LPCAT1: variants seen among roughly 807,000 people sequenced by gnomAD.
LPCAT1 encodes the protein 1-acylglycerol-3-phosphate O-acyltransferase.
LPCAT1 carries 23 observed loss-of-function variants against 60.9 expected under a neutral mutation model. That is an observed-to-expected ratio of 0.38 (90% confidence interval 0.27 to 0.53). The LOEUF is 0.53. Among genes scored for constraint, LPCAT1 ranks in the 20% least tolerant of loss-of-function variants. The pLI, the probability that LPCAT1 is intolerant of heterozygous loss-of-function variation, is 0.82. For missense variants in LPCAT1, 622 were observed against 723.6 expected (o/e 0.86, Z 1.61); for synonymous variants, 340 against 301.1 (o/e 1.13, Z -1.34).
At chr5:1,469,634 G>A (rs1336084528) in intron 12 of LPCAT1, among the ~76,000 whole-genome samples, 2 of 152,162 alleles carry the variant, frequency 1.3e-5, no homozygotes, top group Non-Finnish European at 2.9e-5. Flanking sequence ...AAAATTAGCT[G>A]GGTTTCATGG....
chr5:1,479,847 G>A (rs960340265), intron 7 of LPCAT1, among the ~76,000 whole-genome samples, 172 bp from the exon 8 acceptor site: 5 of 151,510 alleles, frequency 3.3e-5, no homozygotes, highest in South Asian at 2.1e-4. Flanking sequence ...CCAGTGTGAC[G>A]TACAGCCGTG....
At chr5:1,503,984 T>G (rs1364712956) in intron 1 of LPCAT1, among the ~76,000 whole-genome samples, 1 of 152,256 alleles carries the variant, frequency 6.6e-6, no homozygotes, top group Non-Finnish European at 1.5e-5. Flanking sequence ...ATCAGTCTTC[T>G]TACAGAACCA....
In LPCAT1 at chr5:1,470,781, C is replaced by CA. The variant is rs756495420; in HGVS notation, c.1278+44dup. Reference sequence around the variant, plus strand: ...ATGAACAATGGTGCTGACGTGACTGCACCGCCCTGTCCCCCAGTCAAACCC... The same window carrying CA: ...ATGAACAATGGTGCTGACGTGACTGCAACCGCCCTGTCCCCCAGTCAAACCC... On this transcript the variant is annotated intron_variant, in intron 12 of 13. Coordinates refer to ENST00000283415, the MANE Select transcript of LPCAT1 (RefSeq NM_024830.5). The CA allele has an allele frequency of 5.6e-5, 82 of 1,473,318 alleles. No homozygotes were observed. In the East Asian group the frequency reaches 1.8e-3, roughly 33 times the overall value. The allele number at this position is 1,473,318 out of a possible 1,614,324, so 91.3% of individuals were successfully genotyped here. A position where few individuals can be genotyped will look rare whatever the true frequency, so the allele number is the denominator to read the frequency against.
At chr5:1,491,220 G>A (rs559305795) in intron 3 of LPCAT1, among the ~76,000 whole-genome samples, 102 of 152,224 alleles carry the variant, frequency 6.7e-4, no homozygotes, top group African/African-American at 2.3e-3. Flanking sequence ...GGACGATATC[G>A]GAAGGGAAGA....
chr5:1,514,905 G>C (rs183508488), intron 1 of LPCAT1, among the ~76,000 whole-genome samples: 8 of 152,318 alleles, frequency 5.3e-5, no homozygotes, highest in African/African-American at 1.7e-4. Context: ...CCAGGGAAAC[G>C]CCAATCTCCC....
Position 1,470,849 on chromosome 5 carries a change from C to T in LPCAT1, c.1255G>A (p.Asp419Asn). ...SVVCRPARTL[D>N]TIQLAFKMYG... ...ACCTTGAAAGCCAGCTGGATGGTGT[C>T]CAGGGTCCGGGCCGGCCGGCAGACG... Residue 419 changes from aspartate (D) to asparagine (N), a missense_variant, in exon 12 of 14, where the codon GAC (aspartate) becomes AAC (asparagine). Physicochemically the swap from Asp to Asn is conservative, Grantham distance 23. Transcript: ENST00000283415. 1 of 1,613,698 alleles carries T rather than the reference C, an allele frequency of 6.2e-7. No individual in the cohort carries two copies. The highest frequency in any genetic ancestry group is 8.5e-7 in the Non-Finnish European group (1 of 1,179,986).
At chr5:1,498,629 C>A (rs1579798273) in intron 2 of LPCAT1, among the ~76,000 whole-genome samples, 1 of 150,518 alleles carries the variant, frequency 6.6e-6, no homozygotes, top group Non-Finnish European at 1.5e-5. Context: ...TACACTTGCA[C>A]ATATACACAC....
chr5:1,523,916 C>G lies in LPCAT1; in HGVS notation c.-72G>C. On this transcript the variant is annotated 5_prime_UTR_variant, in exon 1 of 14. Coordinates refer to ENST00000283415, the MANE Select transcript of LPCAT1 (RefSeq NM_024830.5). The surrounding 1 kb of genome is among the most constrained non-coding windows in gnomAD (Gnocchi z 7.1). ...GAGCGGGGCCGGGGCTAGCTGGGCG[C>G]GGGTCTCGGGGCGCGGGCCGAGGAT... 2 of 977,294 alleles carry G rather than the reference C, an allele frequency of 2.0e-6. No individual in the cohort carries two copies. Among genetic ancestry groups the G allele is most frequent in the Non-Finnish European group, 2.4e-6 (2 of 819,896 alleles). 60.5% of individuals were successfully genotyped at this position (977,294 alleles called of 1,614,324 possible).
At position 1,464,874 on chromosome 5, in the gene LPCAT1, T is replaced by C. The variant is rs574636350; in HGVS notation, c.1421-1039A>G. 9.6e-3 allele frequency among the ~76,000 whole-genome samples: 638 copies of C among 66,256 alleles called. 10 individuals carry two copies. Among genetic ancestry groups the C allele is most frequent in the African/African-American group, 0.035 (591 of 16,958 alleles). 43.5% of individuals were successfully genotyped at this position (66,256 alleles called of 152,430 possible). On this transcript the variant is annotated intron_variant, in intron 13 of 13. Transcript: ENST00000283415. ...TGCACACACAGTAAACACATGCGTG[T>C]ACACACAAACAAGTGCACACACACA... is the stretch of plus-strand genomic sequence containing the variant.
At position 1,521,030 on chromosome 5, in the gene LPCAT1, A is replaced by T. The variant is rs1736658650; in HGVS notation, c.135+2680T>A. ...CTCCAAAACGATATATGAATGTGTG[A>T]CTATGAAGAACCTCAGCTGAACTCA... On this transcript the variant is annotated intron_variant, in intron 1 of 13. Coordinates refer to ENST00000283415, the MANE Select transcript of LPCAT1 (RefSeq NM_024830.5). The surrounding 1 kb of genome is among the most constrained non-coding windows in gnomAD (Gnocchi z 4.3). Among the ~76,000 whole-genome samples the T allele has an allele frequency of 6.6e-6, 1 of 152,174 alleles. No individual in the cohort carries two copies. The highest frequency in any genetic ancestry group is 1.5e-5 in the Non-Finnish European group (1 of 68,022).
rs973041661 is a variant in LPCAT1 at position 1,481,857 on chromosome 5, T to G, written c.727-881A>C. The stretch of plus-strand genomic sequence containing the variant: ...TGTGACTACCGGCCCTGACTCCATT[T>G]TATTACCTGACCGTCAGCTCTCCGG... On this transcript the variant is annotated intron_variant, in intron 6 of 13. Transcript: ENST00000283415. The surrounding 1 kb of genome is among the most constrained non-coding windows in gnomAD (Gnocchi z 7.8). Among the ~76,000 whole-genome samples, 1 of 152,226 alleles carries G rather than the reference T, an allele frequency of 6.6e-6. No individual in the cohort carries two copies. Among genetic ancestry groups the G allele is most frequent in the Non-Finnish European group, 1.5e-5 (1 of 68,028 alleles).
intron 1 of LPCAT1, among the ~76,000 whole-genome samples, chr5:1,511,204 G>A (rs781060317): frequency 3.9e-5 from 6 of 152,336 alleles, no homozygotes; most frequent in Admixed American, 2.0e-4. Flanking sequence ...GACTGCGACC[G>A]CACAGCTCCT....
In LPCAT1 at chr5:1,481,097, G is replaced by A. The variant is rs1735122959; in HGVS notation, c.727-121C>T. ...CCCACAGAGGCGCTGCAGCCAGGGG[G>A]AAGGGAGGAGGGTGCTAGAGCTCCA... On this transcript the variant is annotated intron_variant, in intron 6 of 13. Coordinates refer to ENST00000283415, the MANE Select transcript of LPCAT1 (RefSeq NM_024830.5). The surrounding 1 kb of genome is among the most constrained non-coding windows in gnomAD (Gnocchi z 7.8). 1.6e-5 allele frequency: 20 copies of A among 1,213,824 alleles called. No individual in the cohort carries two copies. Among genetic ancestry groups the A allele is most frequent in the Non-Finnish European group, 2.3e-5 (19 of 830,806 alleles). The allele number at this position is 1,213,824 out of a possible 1,614,324, so 75.2% of individuals were successfully genotyped here.
intron 1 of LPCAT1, among the ~76,000 whole-genome samples, chr5:1,506,597 C>T (rs1216267569): frequency 6.6e-6 from 1 of 152,202 alleles, no homozygotes; most frequent in Non-Finnish European, 1.5e-5. Flanking sequence ...GGGGCAGCTG[C>T]GGCAGCCAAG....
At chr5:1,490,877 C>A (rs951357277) in intron 3 of LPCAT1, among the ~76,000 whole-genome samples, 5 of 151,680 alleles carry the variant, frequency 3.3e-5, no homozygotes, top group Non-Finnish European at 5.9e-5. Flanking sequence ...ACACTCGGCG[C>A]CCCCCAGGCC....
Position 1,494,813 on chromosome 5 carries a change from G to A in LPCAT1, c.380C>T (p.Ala127Val), listed in dbSNP as rs758431577. 3.7e-6 allele frequency: 6 copies of A among 1,613,722 alleles called. No homozygotes were observed. Among genetic ancestry groups the A allele is most frequent in the Admixed American group, 3.3e-5 (2 of 60,006 alleles). The change falls in exon 3 of 14, where the codon GCG (alanine) becomes GTG (valine). Residue 127 changes from alanine (A) to valine (V), a missense_variant. Physicochemically the swap from Ala to Val is moderately conservative, Grantham distance 64 (BLOSUM62 0). Coordinates refer to ENST00000283415, the MANE Select transcript of LPCAT1 (RefSeq NM_024830.5). The stretch of plus-strand genomic sequence containing the variant: ...GTGAGGCGCGAGCGTGAGGATGGCC[G>A]CCTCGGTGGGCAGCGCCTGCCGCCC... ...VKGRQALPTE[A>V]AILTLAPHSS...
At position 1,477,439 on chromosome 5, in the gene LPCAT1, C is replaced by T. The variant is rs773472111; in HGVS notation, c.864G>A (p.Ala288=). ...CTCGCCGCACGTTGCTGGCATACAG[C>T]GCGGGGTTCCTCTTCTCCTCCTCAG... is the stretch of plus-strand genomic sequence containing the variant. ...SPSEEEKRNP[A]LYASNVRRVM... Residue 288 remains alanine (A), a synonymous_variant, in exon 9 of 14, where the codon GCG becomes GCA. Transcript: ENST00000283415. The surrounding 1 kb of genome is among the most constrained non-coding windows in gnomAD (Gnocchi z 6.0). 19 of 1,614,058 alleles carry T rather than the reference C, an allele frequency of 1.2e-5. No individual in the cohort carries two copies. Among genetic ancestry groups the T allele is most frequent in the South Asian group, 3.3e-5 (3 of 91,080 alleles).
intron 11 of LPCAT1, among the ~76,000 whole-genome samples, chr5:1,473,161 C>T (rs550800535): frequency 2.3e-3 from 347 of 152,334 alleles, no homozygotes; most frequent in Non-Finnish European, 4.1e-3. Context: ...CAGGACTGCA[C>T]TGCAGCTGCT....
chr5:1,486,311 G>A (rs950028681), intron 5 of LPCAT1, among the ~76,000 whole-genome samples: 2 of 152,150 alleles, frequency 1.3e-5, no homozygotes, highest in African/African-American at 4.8e-5. Context: ...CAGAACAGGG[G>A]GACTCAGGTG....
Sources: allele counts gnomAD v4.1 joint callset (sites outside exome capture counted in the v4.1 genomes callset), GRCh38; gene constraint gnomAD v4.1.1; non-coding constraint Gnocchi (gnomAD v3.1); transcripts MANE v1.5; gene names NCBI Gene and HGNC (gene_info 2026-07-23, HGNC 2026-07-21).